FGD4: variants seen among roughly 807,000 people sequenced by gnomAD.
FGD4 encodes the protein FYVE, RhoGEF and PH domain-containing protein 4.
Under a neutral mutation model 102.0 loss-of-function variants are expected in FGD4, and 42 were observed. The ratio of observed to expected loss-of-function variants is 0.41; its 90% CI spans 0.32 to 0.53. The LOEUF (loss-of-function observed/expected upper bound fraction) is 0.53. Among genes scored for constraint, FGD4 ranks in the 20% least tolerant of loss-of-function variants. FGD4 has a pLI of 0.21. For synonymous variants in FGD4, 380 were observed against 375.7 expected, an observed-to-expected ratio of 1.01 and a Z score of -0.13; for missense variants, 902 against 1,078.2, an observed-to-expected ratio of 0.84 and a Z score of 2.29.
At chr12:32,401,549 C>A (rs933531520) in intron 1 of FGD4, among the ~76,000 whole-genome samples, 1 of 152,090 alleles carries the variant, frequency 6.6e-6, no homozygotes, top group Admixed American at 6.6e-5. Flanking sequence ...ATGTGAGCCA[C>A]CACATCCGGC....
At chr12:32,561,069 G>GTTTTTTTTTTTTTTTTTTTTTTTT (rs1565841408) in intron 1 of FGD4, among the ~76,000 whole-genome samples, 1 of 91,998 alleles carries the variant, frequency 1.1e-5, no homozygotes, top group African/African-American at 3.9e-5. Flanking sequence ...TTCTTTGTTG[G>GTTTTTTTTTTTTTTTTTTTTTTTT]GTTTTGTTTT....
chr12:32,477,613 T>A (rs1334635581), intron 1 of FGD4: 1 of 152,194 alleles, frequency 6.6e-6, no homozygotes, highest in African/African-American at 2.4e-5. Flanking sequence ...TGTTTATACA[T>A]CTTGATCTTA....
intron 1 of FGD4, among the ~76,000 whole-genome samples, chr12:32,510,370 T>TA (rs1185749928): frequency 6.6e-5 from 10 of 152,248 alleles, no homozygotes; most frequent in Non-Finnish European, 1.3e-4. Context: ...TATGCTGTAT[T>TA]ATGCTTTTTA....
At chr12:32,604,203 G>T (rs1167880336) in intron 7 of FGD4, among the ~76,000 whole-genome samples, 5 of 151,924 alleles carry the variant, frequency 3.3e-5, no homozygotes, top group African/African-American at 1.2e-4. Context: ...ATTTGTCCTG[G>T]TTAGGGTTGG....
chr12:32,595,549 G>T lies in FGD4; in HGVS notation c.1012-2948G>T, dbSNP rs75904519. On this transcript the variant is annotated intron_variant, in intron 4 of 16. Transcript: ENST00000534526. ...AGTATATATTTCCTCATATCTCATTGTCTCCAGAACCAATCACTATGAACT... is the reference window on the plus strand; with the variant it reads ...AGTATATATTTCCTCATATCTCATTTTCTCCAGAACCAATCACTATGAACT... Among the ~76,000 whole-genome samples, 519 of 152,174 alleles carry T rather than the reference G, an allele frequency of 3.4e-3. 3 individuals are homozygous for T. Among genetic ancestry groups the T allele is most frequent in the African/African-American group, 0.012 (501 of 41,498 alleles).
intron 4 of FGD4, among the ~76,000 whole-genome samples, chr12:32,593,273 G>A (rs1947627212): frequency 6.6e-6 from 1 of 152,070 alleles, no homozygotes; most frequent in African/African-American, 2.4e-5. Flanking sequence ...TTATTATGGT[G>A]GTATTATTAT....
chr12:32,595,585 C>G (rs758964588), intron 4 of FGD4, among the ~76,000 whole-genome samples: 1 of 152,174 alleles, frequency 6.6e-6, no homozygotes, highest in Non-Finnish European at 1.5e-5. Context: ...TGGATTCTTA[C>G]ACTATTCAGG....
At chr12:32,420,323 C>T (rs985376659) in intron 1 of FGD4, among the ~76,000 whole-genome samples, 2 of 152,170 alleles carry the variant, frequency 1.3e-5, no homozygotes, top group Non-Finnish European at 2.9e-5. Context: ...GCACCTACTA[C>T]AAGTTACTGC....
chr12:32,630,792 G>GGTGACAGACCCCAGGTCTTGACCC, intron 14 of FGD4, among the ~76,000 whole-genome samples: 1 of 148,802 alleles, frequency 6.7e-6, no homozygotes, highest in Non-Finnish European at 1.5e-5. Context: ...CTCCAGCCTG[G>GGTGACAGACCCCAGGTCTTGACCC]CAACAGAGTG....
intron 14 of FGD4, among the ~76,000 whole-genome samples, chr12:32,631,793 C>G (rs1950517605): frequency 6.6e-6 from 1 of 152,064 alleles, no homozygotes; most frequent in African/African-American, 2.4e-5. Flanking sequence ...CATGAGCCAC[C>G]ATGTCTGGCC....
chr12:32,531,015 G>A (rs2136833846), intron 1 of FGD4, among the ~76,000 whole-genome samples: 1 of 133,700 alleles, frequency 7.5e-6, no homozygotes, highest in East Asian at 2.4e-4. Context: ...GCAGTGGTGC[G>A]ATCGCGGCTC....
chr12:32,437,505 G>A (rs1248256836), intron 1 of FGD4, among the ~76,000 whole-genome samples: 15 of 152,232 alleles, frequency 9.9e-5, no homozygotes, highest in Non-Finnish European at 8.8e-5. Context: ...TTTTAAAGAT[G>A]TTTGATAAAG....
intron 12 of FGD4, 112 bp downstream of exon 12, chr12:32,624,564 G>C (rs1448508331): frequency 5.5e-6 from 5 of 911,894 alleles, no homozygotes; most frequent in Non-Finnish European, 6.9e-6. Context: ...GCCTCTGTCT[G>C]GGCTCAAGCA....
At chr12:32,400,963 C>T (rs1487428323) in intron 1 of FGD4, among the ~76,000 whole-genome samples, 1 of 152,140 alleles carries the variant, frequency 6.6e-6, no homozygotes, top group Admixed American at 6.5e-5. Context: ...GATATAACTA[C>T]AGTAGATAAG....
At chr12:32,612,246 G>A (rs531989826) in intron 10 of FGD4, among the ~76,000 whole-genome samples, 99 of 152,222 alleles carry the variant, frequency 6.5e-4, no homozygotes, top group Non-Finnish European at 1.2e-3. Context: ...GCCCATGCTG[G>A]TGCCTAGAAA....
At chr12:32,557,531 A>T (rs1324823842) in intron 1 of FGD4, among the ~76,000 whole-genome samples, 1 of 152,184 alleles carries the variant, frequency 6.6e-6, no homozygotes, top group Non-Finnish European at 1.5e-5. Context: ...ATTTACCTTT[A>T]CATGTACAGG....
At position 32,624,622 on chromosome 12, in the gene FGD4, C is replaced by G. The variant is rs1008852956; in HGVS notation, c.1953+170C>G. The G allele has an allele frequency of 2.3e-5, 16 of 700,708 alleles. No individual in the cohort carries two copies. The African/African-American group carries it at 2.8e-4, about 12-fold the overall frequency. 43.4% of individuals were successfully genotyped at this position (700,708 alleles called of 1,614,324 possible). ...AGTAGCTGGGACTATAGGCGTGCAC[C>G]ACCATGTCTGGTTAATTTTTTTTTT... On this transcript the variant is annotated intron_variant, in intron 12 of 16. Coordinates refer to ENST00000534526, the MANE Select transcript of FGD4 (RefSeq NM_001370298.3).
chr12:32,399,630 T>C lies in FGD4; in HGVS notation c.-164T>C, dbSNP rs1176432634. 4 of 1,401,376 alleles carry C rather than the reference T, an allele frequency of 2.9e-6. No individual in the cohort carries two copies. The highest frequency in any genetic ancestry group is 3.7e-6 in the Non-Finnish European group (4 of 1,085,248). The allele number at this position is 1,401,376 out of a possible 1,614,324, so 86.8% of individuals were successfully genotyped here. A position where few individuals can be genotyped will look rare whatever the true frequency, so the allele number is the denominator to read the frequency against. ...CTCGCCGCGACGCCGGGAGGGAGCG[T>C]ACCGGGAAGGAGAGGGAGAGGAGGC... On this transcript the variant is annotated 5_prime_UTR_variant, in exon 1 of 17. Coordinates refer to ENST00000534526, the MANE Select transcript of FGD4 (RefSeq NM_001370298.3).
intron 10 of FGD4, among the ~76,000 whole-genome samples, chr12:32,612,184 G>C (rs910934626): frequency 1.3e-5 from 2 of 152,234 alleles, no homozygotes; most frequent in African/African-American, 2.4e-5. Context: ...TGCCAGCAGT[G>C]GAAGCCACTT....
Sources: gnomAD v4.1 joint callset for allele counts (sites outside exome capture counted in the v4.1 genomes callset) on GRCh38, gnomAD v4.1.1 for gene constraint, MANE v1.5 for transcripts, NCBI Gene and HGNC (gene_info 2026-07-23, HGNC 2026-07-21) for gene names.